SNCAIP: variants seen among roughly 807,000 people sequenced by gnomAD.
SNCAIP encodes the protein synuclein alpha interacting protein.
Under a neutral mutation model 86.7 loss-of-function variants are expected in SNCAIP, and 43 were observed. The observed-to-expected ratio is 0.50, with a 90% CI of 0.39 to 0.64. The LOEUF (loss-of-function observed/expected upper bound fraction) is 0.64, where lower values mean the gene tolerates loss of function less well. Ranked by LOEUF, SNCAIP falls within the 30% of genes least tolerant of loss-of-function variation. SNCAIP has a pLI of 0.00. For missense variants in SNCAIP, 981 were observed against 1,103.1 expected (o/e 0.89, Z 1.57); for synonymous variants, 417 against 427.2 (o/e 0.98, Z 0.29).
At chr5:122,436,191 A>AT (rs1207387929) in intron 6 of SNCAIP, among the ~76,000 whole-genome samples, 2 of 151,634 alleles carry the variant, frequency 1.3e-5, no homozygotes, top group Non-Finnish European at 1.5e-5. Context: ...TGGGTTAGAT[A>AT]TTTTAATTTT....
chr5:122,385,180 A>C (rs1480619807), intron 1 of SNCAIP, among the ~76,000 whole-genome samples: 1 of 152,204 alleles, frequency 6.6e-6, no homozygotes, highest in African/African-American at 2.4e-5. Flanking sequence ...ATATTGTAAT[A>C]GCATGCCTTC....
At chr5:122,392,188 A>G (rs1769522418) in intron 2 of SNCAIP, among the ~76,000 whole-genome samples, 1 of 152,108 alleles carries the variant, frequency 6.6e-6, no homozygotes, top group African/African-American at 2.4e-5. Context: ...ACTGTACACA[A>G]TAATTGGATT....
chr5:122,436,994 G>GT (rs1311160971), intron 6 of SNCAIP: 2 of 152,204 alleles, frequency 1.3e-5, no homozygotes, highest in Non-Finnish European at 2.9e-5. Context: ...ATGATGAAAT[G>GT]TAAGTTGGAG....
intron 1 of SNCAIP, among the ~76,000 whole-genome samples, chr5:122,365,175 C>G (rs1005194418): frequency 6.6e-6 from 1 of 152,140 alleles, no homozygotes; most frequent in Non-Finnish European, 1.5e-5. Context: ...TTTGCTTTCC[C>G]TAATTCCCTG....
intron 1 of SNCAIP, among the ~76,000 whole-genome samples, chr5:122,365,504 C>A (rs537621099): frequency 6.6e-6 from 1 of 152,086 alleles, no homozygotes; most frequent in Non-Finnish European, 1.5e-5. Flanking sequence ...CATGGTGAAA[C>A]CCCATCTGTG....
chr5:122,377,934 T>G (rs1242739044), intron 1 of SNCAIP, among the ~76,000 whole-genome samples: 1 of 152,094 alleles, frequency 6.6e-6, no homozygotes, highest in Non-Finnish European at 1.5e-5. Context: ...CAATCCAGTC[T>G]GTCATTGTTG....
At chr5:122,400,626 G>A (rs1315066247) in intron 2 of SNCAIP, among the ~76,000 whole-genome samples, 3 of 152,214 alleles carry the variant, frequency 2.0e-5, no homozygotes, top group Admixed American at 2.0e-4. Context: ...CAATCAGCCA[G>A]GGCTTCATGG....
intron 1 of SNCAIP, among the ~76,000 whole-genome samples, chr5:122,328,521 T>A (rs2152690168): frequency 6.6e-6 from 1 of 152,362 alleles, no homozygotes; most frequent in African/African-American, 2.4e-5. Context: ...TTGGCTTACT[T>A]ATTTGTTAAA....
rs764282589 is a variant in SNCAIP at position 122,425,388 on chromosome 5, G to A, written c.1039G>A (p.Asp347Asn). 10 of 1,613,820 alleles carry A rather than the reference G, an allele frequency of 6.2e-6. No homozygotes were observed. In the East Asian group the frequency reaches 1.1e-4, roughly 18 times the overall value. The change falls in exon 5 of 11, where the codon GAC becomes AAC. Residue 347 changes from aspartate to asparagine, a missense_variant. Coordinates refer to ENST00000261368, the MANE Select transcript of SNCAIP (RefSeq NM_005460.4). Reference protein sequence around the residue: ...LAADNLDKIHDENGNNLLHIA... With the variant: ...LAADNLDKIHNENGNNLLHIA... ...TGCAGACAATCTAGACAAAATTCAC[G>A]ACGAAAATGGAAACAATCTATTACA...
intron 2 of SNCAIP, among the ~76,000 whole-genome samples, chr5:122,401,339 C>G (rs987440111): frequency 7.2e-5 from 11 of 152,150 alleles, no homozygotes; most frequent in Non-Finnish European, 1.6e-4. Flanking sequence ...CTGTGCATTT[C>G]TTCACATCAC....
chr5:122,315,092 C>T (rs1751433164), intron 1 of SNCAIP, among the ~76,000 whole-genome samples: 1 of 152,116 alleles, frequency 6.6e-6, no homozygotes, highest in Non-Finnish European at 1.5e-5. Flanking sequence ...TAACAAATCC[C>T]CACAAAATGC....
At position 122,355,424 on chromosome 5, in the gene SNCAIP, C is replaced by T. The variant is rs181014923; in HGVS notation, c.-46-35665C>T. On this transcript the variant is annotated intron_variant, in intron 1 of 10. Coordinates refer to ENST00000261368, the MANE Select transcript of SNCAIP (RefSeq NM_005460.4). ...ATGCCAATGTTGGTACATAATGAAC[C>T]CCCATCTTATAAGGTAATTAGGTGA... Among the ~76,000 whole-genome samples, 3 of 151,982 alleles carry T rather than the reference C, an allele frequency of 2.0e-5. No homozygotes were observed. In the East Asian group the frequency reaches 5.8e-4, roughly 29 times the overall value.
At chr5:122,335,120 T>C (rs1274087858) in intron 1 of SNCAIP, among the ~76,000 whole-genome samples, 1 of 152,236 alleles carries the variant, frequency 6.6e-6, no homozygotes, top group Non-Finnish European at 1.5e-5. Flanking sequence ...TTTCTTTTGA[T>C]GACTAAAATA....
At chr5:122,453,001 T>G in intron 10 of SNCAIP, 2 of 1,532,992 alleles carry the variant, frequency 1.3e-6, no homozygotes, top group Non-Finnish European at 1.8e-6. Context: ...ACACGGTACG[T>G]GGTGCTAGGA....
intron 5 of SNCAIP, among the ~76,000 whole-genome samples, chr5:122,426,868 T>C (rs1388280504): frequency 6.6e-6 from 1 of 152,248 alleles, no homozygotes; most frequent in Non-Finnish European, 1.5e-5. Flanking sequence ...GTTTACCAGG[T>C]ACTGCGTTTG....
chr5:122,452,161 C>T (rs548267315), intron 10 of SNCAIP, among the ~76,000 whole-genome samples: 1 of 152,292 alleles, frequency 6.6e-6, no homozygotes, highest in Admixed American at 6.5e-5. Context: ...TTGATTGGAG[C>T]CTATAGGAGC....
chr5:122,427,486 G>C (rs187853366), intron 5 of SNCAIP, among the ~76,000 whole-genome samples: 11 of 151,576 alleles, frequency 7.3e-5, no homozygotes, highest in Non-Finnish European at 1.5e-4. Flanking sequence ...AAAATGATTT[G>C]AATGTTCTAT....
intron 1 of SNCAIP, among the ~76,000 whole-genome samples, chr5:122,342,882 GTTATTC>G (rs1040373908): frequency 6.6e-6 from 1 of 152,214 alleles, no homozygotes; most frequent in Admixed American, 6.5e-5. Context: ...TTTAGGATAT[GTTATTC>G]TTATCTTATG....
At chr5:122,327,146 G>A (rs946709172) in intron 1 of SNCAIP, among the ~76,000 whole-genome samples, 15 of 151,912 alleles carry the variant, frequency 9.9e-5, no homozygotes, top group African/African-American at 3.6e-4. Context: ...TTATTGAGAG[G>A]AACTAGTGTA....
Sources: gnomAD v4.1 joint callset for allele counts (sites outside exome capture counted in the v4.1 genomes callset) on GRCh38, gnomAD v4.1.1 for gene constraint, MANE v1.5 for transcripts, NCBI Gene and HGNC (gene_info 2026-07-23, HGNC 2026-07-21) for gene names.